FLYWCH2: variants seen among roughly 807,000 people sequenced by gnomAD.
The protein encoded by FLYWCH2 is FLYWCH family member 2.
FLYWCH2 carries 2 observed loss-of-function variants against 6.0 expected under a neutral mutation model. The observed-to-expected ratio is 0.33, with a 90% CI of 0.14 to 1.04. The LOEUF is 1.04. FLYWCH2 is among the 50% of genes least tolerant of loss of function. The pLI is 0.45. For synonymous variants in FLYWCH2, 87 were observed against 79.3 expected (o/e 1.10, Z -0.52); for missense variants, 192 against 183.4 (o/e 1.05, Z -0.27).
At chr16:2,891,054 T>C (rs1480829929) in intron 1 of FLYWCH2, among the ~76,000 whole-genome samples, 1 of 152,230 alleles carries the variant, frequency 6.6e-6, no homozygotes, top group East Asian at 1.9e-4. Context: ...ATATTTATTT[T>C]GTTATCTGGG....
chr16:2,884,294 C>G (rs1368619232), intron 1 of FLYWCH2, among the ~76,000 whole-genome samples: 2 of 152,052 alleles, frequency 1.3e-5, no homozygotes, highest in Non-Finnish European at 2.9e-5. Flanking sequence ...TGATGTTTCT[C>G]CCCCGTGCGT....
chr16:2,885,855 A>C lies in FLYWCH2; in HGVS notation c.-200+2489A>C, dbSNP rs754716805. ...CTTCCAGGCATATAGCTAGTAGTGG[A>C]ATTGCTGGGTCATAGGGTAACTCTA... is the stretch of plus-strand genomic sequence containing the variant. On this transcript the variant is annotated intron_variant, in intron 1 of 3. Transcript: ENST00000396958. Among the ~76,000 whole-genome samples, 159 of 152,102 alleles carry C rather than the reference A, an allele frequency of 1.0e-3. 1 individual carries two copies. The highest frequency in any genetic ancestry group is 1.8e-4 in the Non-Finnish European group (12 of 68,032).
chr16:2,897,378 C>T (rs973475594), intron 3 of FLYWCH2, among the ~76,000 whole-genome samples: 1 of 152,162 alleles, frequency 6.6e-6, no homozygotes, highest in African/African-American at 2.4e-5. Context: ...GCTCAGGGCT[C>T]ACAGGTCCCA....
intron 1 of FLYWCH2, among the ~76,000 whole-genome samples, chr16:2,893,929 C>T (rs1384237998): frequency 1.3e-5 from 2 of 152,120 alleles, no homozygotes; most frequent in East Asian, 3.9e-4. Flanking sequence ...TGAGCCACCG[C>T]GCCCGGCCCC....
chr16:2,894,263 C>T (rs908823348), intron 1 of FLYWCH2, among the ~76,000 whole-genome samples: 1 of 152,068 alleles, frequency 6.6e-6, no homozygotes, highest in African/African-American at 2.4e-5. Flanking sequence ...CAAGAGGCTT[C>T]ATCTTTTTTG....
At position 2,898,788 on chromosome 16, in the gene FLYWCH2, C is replaced by T. The variant is rs951706513; in HGVS notation, c.323-261C>T. 14 of 366,048 alleles carry T rather than the reference C, an allele frequency of 3.8e-5. No homozygotes were observed. In the East Asian group the frequency reaches 5.1e-4, roughly 13 times the overall value. The allele number at this position is 366,048 out of a possible 1,614,324, so 22.7% of individuals were successfully genotyped here. Reference sequence around the variant, plus strand: ...ATCCCCACCCCAGGTCCAGCAGAGGCGATGGCTGCGGCTTCCCAGTGCTCA... The same window carrying T: ...ATCCCCACCCCAGGTCCAGCAGAGGTGATGGCTGCGGCTTCCCAGTGCTCA... On this transcript the variant is annotated intron_variant, in intron 3 of 3. Transcript: ENST00000396958.
At position 2,899,245 on chromosome 16, in the gene FLYWCH2, T is replaced by C; in HGVS notation, c.*96T>C. The C allele has an allele frequency of 1.5e-6, 1 of 665,250 alleles. No homozygotes were observed. The highest frequency in any genetic ancestry group is 2.4e-6 in the Non-Finnish European group (1 of 415,956). 41.2% of individuals were successfully genotyped at this position (665,250 alleles called of 1,614,324 possible). A position where few individuals can be genotyped will look rare whatever the true frequency, so the allele number is the denominator to read the frequency against. On this transcript the variant is annotated 3_prime_UTR_variant, in exon 4 of 4. Transcript: ENST00000396958. The stretch of plus-strand genomic sequence containing the variant: ...GGGGCCAAATGGGTGAATCTTTGCT[T>C]TTAACATTGTGTGATTTCTTTTCTT...
rs1245387901 is a variant in FLYWCH2 at position 2,883,275 on chromosome 16, A to C, written c.-291A>C. On this transcript the variant is annotated 5_prime_UTR_variant, in exon 1 of 4. Transcript: ENST00000396958. ...TCGCGCTGTGACCCCGGCTTGAGGT[A>C]ACAGCGCGAGCTGAGGCTGGGGCCC... is the stretch of plus-strand genomic sequence containing the variant. 6.6e-6 allele frequency: 1 copy of C among 152,278 alleles called. No homozygotes were observed. Among genetic ancestry groups the C allele is most frequent in the African/African-American group, 2.4e-5 (1 of 41,470 alleles). The allele number at this position is 152,278 out of a possible 1,614,324, so 9.4% of individuals were successfully genotyped here.
intron 1 of FLYWCH2, among the ~76,000 whole-genome samples, chr16:2,892,593 C>T (rs2069770572): frequency 6.6e-6 from 1 of 151,736 alleles, no homozygotes; most frequent in South Asian, 2.1e-4. Flanking sequence ...TGCCTGTAAT[C>T]CCAGCACTTT....
intron 1 of FLYWCH2, among the ~76,000 whole-genome samples, chr16:2,888,151 G>T (rs2069719433): frequency 6.6e-6 from 1 of 151,924 alleles, no homozygotes; most frequent in Non-Finnish European, 1.5e-5. Flanking sequence ...TGTGACTATA[G>T]TTGCATGCCG....
chr16:2,887,313 C>CTTTTTTTTTTTTT (rs71158114), intron 1 of FLYWCH2, among the ~76,000 whole-genome samples: 117 of 72,412 alleles, frequency 1.6e-3, no homozygotes, highest in Non-Finnish European at 2.4e-3. Context: ...GCCCGGCTTT[C>CTTTTTTTTTTTTT]TTTTTTTTTT....
chr16:2,895,914 C>T (rs12443832), intron 2 of FLYWCH2, among the ~76,000 whole-genome samples: 83,031 of 152,048 alleles, frequency 0.55, 23,302 homozygotes, highest in African/African-American at 0.63. Context: ...ACTCTGTGGC[C>T]GTGTGGATCA....
At chr16:2,898,958 GGTGAGAGTGA>G in intron 3 of FLYWCH2, 81 bp from the exon 4 acceptor site, 2 of 957,996 alleles carry the variant, frequency 2.1e-6, no homozygotes, top group Non-Finnish European at 3.1e-6. Context: ...CACTGGTTGG[GGTGAGAGTGA>G]GGCCTGGTAG....
At chr16:2,894,739 T>A (rs2069798566) in intron 1 of FLYWCH2, among the ~76,000 whole-genome samples, 1 of 152,280 alleles carries the variant, frequency 6.6e-6, no homozygotes, top group Admixed American at 6.5e-5. Flanking sequence ...TCACATCTGC[T>A]TTTGTTTAGT....
chr16:2,892,520 A>C (rs1370919281), intron 1 of FLYWCH2, among the ~76,000 whole-genome samples: 3 of 148,428 alleles, frequency 2.0e-5, no homozygotes. Flanking sequence ...ATTTATCTAC[A>C]TTTACCATTT....
At chr16:2,890,639 G>T (rs1290432684) in intron 1 of FLYWCH2, among the ~76,000 whole-genome samples, 1 of 149,290 alleles carries the variant, frequency 6.7e-6, no homozygotes, top group Non-Finnish European at 1.5e-5. Flanking sequence ...TGGCCAGGTT[G>T]TCTCGAACTC....
At chr16:2,889,560 A>T (rs1004501550) in intron 1 of FLYWCH2, among the ~76,000 whole-genome samples, 4 of 151,954 alleles carry the variant, frequency 2.6e-5, no homozygotes, top group African/African-American at 9.7e-5. Context: ...TTAAAAAAAA[A>T]AAACAACCTG....
chr16:2,884,499 G>T (rs890663844), intron 1 of FLYWCH2, among the ~76,000 whole-genome samples: 1 of 138,778 alleles, frequency 7.2e-6, no homozygotes, highest in Admixed American at 7.7e-5. Flanking sequence ...GAGGCAGGCA[G>T]ATCACAAGGT....
intron 1 of FLYWCH2, among the ~76,000 whole-genome samples, chr16:2,894,333 G>C (rs1249326228): frequency 2.6e-5 from 4 of 152,216 alleles, no homozygotes; most frequent in Non-Finnish European, 5.9e-5. Context: ...AGGACCCGGG[G>C]TGGACTCGGA....
Sources: gnomAD v4.1 joint callset for allele counts (sites outside exome capture counted in the v4.1 genomes callset) on GRCh38, gnomAD v4.1.1 for gene constraint, MANE v1.5 for transcripts, NCBI Gene and HGNC (gene_info 2026-07-23, HGNC 2026-07-21) for gene names.